GALNT17: variants seen among roughly 807,000 people sequenced by gnomAD.
The protein encoded by GALNT17 is polypeptide N-acetylgalactosaminyltransferase 17.
Under a neutral mutation model 63.7 loss-of-function variants are expected in GALNT17, and 29 were observed. The ratio of observed to expected loss-of-function variants is 0.46; its 90% CI spans 0.34 to 0.62. GALNT17 has a LOEUF of 0.62. Among genes scored for constraint, GALNT17 ranks in the 20% least tolerant of loss-of-function variants. The probability of loss-of-function intolerance (pLI) is 0.01; values close to 1 mark genes in which losing one functional copy is unlikely to be tolerated. For synonymous variants in GALNT17, 305 were observed against 318.3 expected (o/e 0.96, Z 0.45); for missense variants, 603 against 799.6 (o/e 0.75, Z 2.97).
intron 6 of GALNT17, among the ~76,000 whole-genome samples, chr7:71,643,578 C>A (rs903529930): frequency 1.3e-5 from 2 of 152,164 alleles, no homozygotes; most frequent in African/African-American, 4.8e-5. Flanking sequence ...AGCCAGAGAG[C>A]AGAGAAACAT....
intron 1 of GALNT17, among the ~76,000 whole-genome samples, chr7:71,164,718 A>C (rs1174302875): frequency 6.6e-6 from 1 of 152,200 alleles, no homozygotes; most frequent in Non-Finnish European, 1.5e-5. Flanking sequence ...TGCATGTGAC[A>C]AGGTACTTAT....
At chr7:71,416,192 AAAG>A in intron 4 of GALNT17, 129 bp downstream of exon 4, 4 of 1,119,710 alleles carry the variant, frequency 3.6e-6, no homozygotes, top group Non-Finnish European at 4.9e-6. Flanking sequence ...GAGACTCGTC[AAAG>A]AAGAAAGTGA....
At chr7:71,525,357 G>GTTTGTT (rs1250020274) in intron 5 of GALNT17, among the ~76,000 whole-genome samples, 1 of 151,812 alleles carries the variant, frequency 6.6e-6, no homozygotes, top group East Asian at 1.9e-4. Flanking sequence ...TAATTTTTTT[G>GTTTGTT]TTTGTTTTTG....
Position 71,587,811 on chromosome 7 carries a change from G to A in GALNT17, c.1080+16409G>A, listed in dbSNP as rs184869744. Among the ~76,000 whole-genome samples the A allele has an allele frequency of 4.1e-3, 617 of 152,184 alleles. 6 individuals carry two copies. Among genetic ancestry groups the A allele is most frequent in the African/African-American group, 0.014 (577 of 41,530 alleles). On this transcript the variant is annotated intron_variant, in intron 6 of 10. Coordinates refer to ENST00000333538, the MANE Select transcript of GALNT17 (RefSeq NM_022479.3). The stretch of plus-strand genomic sequence containing the variant: ...AAAATGAATAGCCAAGCCACATGCC[G>A]GGAAAAATACTCATAATGCCTGTAA...
At chr7:71,292,666 AGAGTGTGTGTGTGT>A (rs1416285760) in intron 1 of GALNT17, among the ~76,000 whole-genome samples, 290 of 117,060 alleles carry the variant, frequency 2.5e-3, no homozygotes, top group African/African-American at 5.7e-3. Context: ...AGAGAGAGAG[AGAGTGTGTGTGTGT>A]GTGTGTGTGT....
At chr7:71,399,004 G>T (rs1793189575) in intron 3 of GALNT17, among the ~76,000 whole-genome samples, 1 of 152,002 alleles carries the variant, frequency 6.6e-6, no homozygotes, top group Non-Finnish European at 1.5e-5. Flanking sequence ...AGGCTGAGGT[G>T]GGACGATCAC....
chr7:71,511,381 T>C (rs1380385577), intron 5 of GALNT17, among the ~76,000 whole-genome samples: 6 of 152,200 alleles, frequency 3.9e-5, no homozygotes, highest in Non-Finnish European at 7.3e-5. Flanking sequence ...CAGCAGATCC[T>C]GCAAGCAACC....
At chr7:71,140,973 A>G (rs1480056345) in intron 1 of GALNT17, among the ~76,000 whole-genome samples, 2 of 152,092 alleles carry the variant, frequency 1.3e-5, no homozygotes, top group African/African-American at 4.8e-5. Context: ...GTGAGCCATG[A>G]TTGCATCACT....
intron 5 of GALNT17, among the ~76,000 whole-genome samples, chr7:71,481,986 T>C (rs1787825602): frequency 6.6e-6 from 1 of 151,984 alleles, no homozygotes; most frequent in Admixed American, 6.6e-5. Flanking sequence ...AGAGACTGCT[T>C]AACCAGCTCC....
At chr7:71,411,079 C>T (rs1009511170) in intron 3 of GALNT17, among the ~76,000 whole-genome samples, 2 of 152,132 alleles carry the variant, frequency 1.3e-5, no homozygotes, top group African/African-American at 4.8e-5. Flanking sequence ...AGAATGGTTT[C>T]ATCTGTTAAG....
intron 6 of GALNT17, among the ~76,000 whole-genome samples, chr7:71,600,390 G>A (rs1444034225): frequency 1.9e-5 from 2 of 103,566 alleles, no homozygotes; most frequent in Non-Finnish European, 3.7e-5. Context: ...GGGAACCAGA[G>A]GGTACATTGG....
chr7:71,666,959 T>C (rs1016961040), intron 7 of GALNT17, among the ~76,000 whole-genome samples: 7 of 152,232 alleles, frequency 4.6e-5, no homozygotes, highest in Admixed American at 2.6e-4. Context: ...AGATTCTCCT[T>C]CTTGGGGTGA....
chr7:71,181,461 C>G (rs1380333632), intron 1 of GALNT17, among the ~76,000 whole-genome samples: 1 of 152,034 alleles, frequency 6.6e-6, no homozygotes. Context: ...GATCCTGATA[C>G]ATAGTAGTTT....
intron 6 of GALNT17, among the ~76,000 whole-genome samples, chr7:71,643,616 C>A (rs1790634552): frequency 6.6e-6 from 1 of 152,180 alleles, no homozygotes; most frequent in Admixed American, 6.5e-5. Flanking sequence ...TCTTTCTGAT[C>A]AAGGTTTCTG....
intron 1 of GALNT17, among the ~76,000 whole-genome samples, chr7:71,218,447 C>T (rs1038369396): frequency 6.6e-6 from 1 of 152,204 alleles, no homozygotes; most frequent in African/African-American, 2.4e-5. Context: ...CTAAGAATTG[C>T]TTCCACTCTG....
intron 5 of GALNT17, among the ~76,000 whole-genome samples, chr7:71,434,201 T>C (rs1190991265): frequency 6.6e-6 from 1 of 152,198 alleles, no homozygotes; most frequent in Non-Finnish European, 1.5e-5. Flanking sequence ...AGACGGCTTA[T>C]TGCGGGACTT....
intron 2 of GALNT17, among the ~76,000 whole-genome samples, chr7:71,351,203 T>C (rs1792183634): frequency 6.6e-6 from 1 of 152,088 alleles, no homozygotes; most frequent in Non-Finnish European, 1.5e-5. Flanking sequence ...AAAACCTCTC[T>C]GGACAGAAAG....
intron 6 of GALNT17, among the ~76,000 whole-genome samples, chr7:71,655,978 G>C (rs1368529057): frequency 6.6e-6 from 1 of 151,894 alleles, no homozygotes; most frequent in Non-Finnish European, 1.5e-5. Flanking sequence ...TCTTTAATTT[G>C]TTCCTCTTTT....
At chr7:71,175,938 C>T (rs767102075) in intron 1 of GALNT17, among the ~76,000 whole-genome samples, 2 of 152,074 alleles carry the variant, frequency 1.3e-5, no homozygotes, top group African/African-American at 2.4e-5. Flanking sequence ...TACAAATCTT[C>T]AATTTGGACA....
Sources: allele counts gnomAD v4.1 joint callset (sites outside exome capture counted in the v4.1 genomes callset), GRCh38; gene constraint gnomAD v4.1.1; transcripts MANE v1.5; gene names NCBI Gene and HGNC (gene_info 2026-07-23, HGNC 2026-07-21).